Variants in LDLRAD3 observed in about 807,000 individuals in gnomAD.
LDLRAD3 encodes the protein low density lipoprotein receptor class A domain containing 3, also known as low-density lipoprotein receptor class A domain-containing protein 3.
Under a neutral mutation model 29.4 loss-of-function variants are expected in LDLRAD3, and 20 were observed. The observed-to-expected ratio is 0.68, with a 90% CI of 0.48 to 0.99. The LOEUF is 0.99. Ranked by LOEUF, LDLRAD3 falls within the 50% of genes least tolerant of loss-of-function variation. LDLRAD3 has a pLI of 0.00. For missense variants in LDLRAD3, 420 were observed against 454.3 expected (o/e 0.92, Z 0.69); for synonymous variants, 157 against 192.7 (o/e 0.81, Z 1.53).
In LDLRAD3 at chr11:35,970,582, C is replaced by G. The variant is rs140364525; in HGVS notation, c.46+26438C>G. ...GTTCGTGGCAATTAATTACAGCAGC[C>G]CTTGGAATTAGTATAGTTAGAACTA... is the stretch of plus-strand genomic sequence containing the variant. On this transcript the variant is annotated intron_variant, in intron 1 of 5. Coordinates refer to ENST00000315571, the MANE Select transcript of LDLRAD3 (RefSeq NM_174902.4). 7.0e-4 allele frequency among the ~76,000 whole-genome samples: 107 copies of G among 152,314 alleles called. 1 individual carries two copies. The highest frequency in any genetic ancestry group is 2.5e-3 in the African/African-American group (102 of 41,578).
chr11:35,974,068 T>G (rs747159054), intron 1 of LDLRAD3, among the ~76,000 whole-genome samples: 1 of 152,358 alleles, frequency 6.6e-6, no homozygotes, highest in South Asian at 2.1e-4. Flanking sequence ...TAGGAACTAC[T>G]TACATATTAC....
At chr11:36,141,425 G>T (rs1040624477) in intron 4 of LDLRAD3, among the ~76,000 whole-genome samples, 1 of 152,180 alleles carries the variant, frequency 6.6e-6, no homozygotes, top group Non-Finnish European at 1.5e-5. Flanking sequence ...TGGAAGGCTG[G>T]GGAGGATGTG....
intron 1 of LDLRAD3, among the ~76,000 whole-genome samples, chr11:35,977,345 G>A (rs1161786257): frequency 1.3e-5 from 2 of 152,116 alleles, no homozygotes; most frequent in African/African-American, 2.4e-5. Context: ...TGGCCAAAAC[G>A]CAGCCACATT....
intron 1 of LDLRAD3, among the ~76,000 whole-genome samples, chr11:36,000,782 C>T (rs73448459): frequency 0.092 from 13,995 of 151,810 alleles, 2,173 homozygotes; most frequent in African/African-American, 0.32. Context: ...GACCCATCCT[C>T]GGTGTGGGAA....
intron 4 of LDLRAD3, among the ~76,000 whole-genome samples, chr11:36,125,364 C>G (rs79977676): frequency 3.3e-5 from 5 of 152,106 alleles, no homozygotes; most frequent in Admixed American, 2.0e-4. Context: ...TTTCTGTCCT[C>G]GTTTTCTCTG....
At chr11:36,045,824 T>A (rs1852442164) in intron 2 of LDLRAD3, among the ~76,000 whole-genome samples, 1 of 152,132 alleles carries the variant, frequency 6.6e-6, no homozygotes, top group South Asian at 2.1e-4. Flanking sequence ...TATTTTAAGT[T>A]CTGGGATACA....
At chr11:35,971,683 G>A (rs1851413895) in intron 1 of LDLRAD3, among the ~76,000 whole-genome samples, 1 of 152,156 alleles carries the variant, frequency 6.6e-6, no homozygotes, top group Admixed American at 6.5e-5. Flanking sequence ...TTTTGTGATG[G>A]CAGTCCCAGG....
intron 4 of LDLRAD3, among the ~76,000 whole-genome samples, chr11:36,190,927 A>C (rs1401650740): frequency 6.6e-6 from 1 of 152,264 alleles, no homozygotes; most frequent in Non-Finnish European, 1.5e-5. Context: ...ATGAGAAGAC[A>C]GTTCTGAAAC....
chr11:36,184,998 T>C (rs939967797), intron 4 of LDLRAD3, among the ~76,000 whole-genome samples: 1 of 152,236 alleles, frequency 6.6e-6, no homozygotes, highest in African/African-American at 2.4e-5. Context: ...TTCCTTTTTT[T>C]TACTTTTTTG....
chr11:36,201,844 A>C (rs1298079662), intron 4 of LDLRAD3, among the ~76,000 whole-genome samples: 1 of 151,822 alleles, frequency 6.6e-6, no homozygotes, highest in Non-Finnish European at 1.5e-5. Flanking sequence ...GTTTTTCTCA[A>C]CTCTTCCTTT....
intron 4 of LDLRAD3, among the ~76,000 whole-genome samples, chr11:36,189,535 C>T (rs939513870): frequency 1.3e-5 from 2 of 151,808 alleles, no homozygotes; most frequent in African/African-American, 4.8e-5. Context: ...TCACCCCCTG[C>T]ACCCCCATCT....
chr11:36,109,427 G>T (rs1381297372), intron 4 of LDLRAD3, among the ~76,000 whole-genome samples: 2 of 152,174 alleles, frequency 1.3e-5, no homozygotes, highest in African/African-American at 2.4e-5. Context: ...GAATCGCCAA[G>T]ATTTGATGAC....
chr11:36,032,336 C>T (rs1294498719), intron 1 of LDLRAD3, among the ~76,000 whole-genome samples: 5 of 152,014 alleles, frequency 3.3e-5, no homozygotes, highest in Non-Finnish European at 7.3e-5. Context: ...GGAGATGGTT[C>T]GAAATGAATA....
In LDLRAD3 at chr11:36,101,744, C is replaced by T. The variant is rs117962347; in HGVS notation, c.454+3283C>T. ...CCGACTAACTCATTTTGGTGCTTGA[C>T]CAAAGGAACCCCAGCACATCAGTGC... On this transcript the variant is annotated intron_variant, in intron 4 of 5. Coordinates refer to ENST00000315571, the MANE Select transcript of LDLRAD3 (RefSeq NM_174902.4). 7.9e-3 allele frequency among the ~76,000 whole-genome samples: 1,198 copies of T among 152,252 alleles called. 10 individuals are homozygous for T. Among genetic ancestry groups the T allele is most frequent in the Non-Finnish European group, 0.013 (897 of 68,012 alleles).
intron 4 of LDLRAD3, among the ~76,000 whole-genome samples, chr11:36,103,437 C>T (rs1020728925): frequency 2.6e-5 from 4 of 152,032 alleles, no homozygotes; most frequent in Non-Finnish European, 5.9e-5. Context: ...GACGGGGTTT[C>T]ACCGTGTTAG....
intron 1 of LDLRAD3, among the ~76,000 whole-genome samples, chr11:35,984,656 A>G (rs1851585387): frequency 6.6e-6 from 1 of 152,040 alleles, no homozygotes; most frequent in South Asian, 2.1e-4. Context: ...TGTGAGATGG[A>G]GTTTCGCTCT....
intron 4 of LDLRAD3, among the ~76,000 whole-genome samples, chr11:36,121,106 A>G (rs369785404): frequency 1.3e-5 from 2 of 152,210 alleles, no homozygotes; most frequent in Non-Finnish European, 1.5e-5. Flanking sequence ...CCCGGTATCC[A>G]GGGCATCATA....
At chr11:36,005,492 G>A (rs1851873275) in intron 1 of LDLRAD3, among the ~76,000 whole-genome samples, 2 of 152,146 alleles carry the variant, frequency 1.3e-5, no homozygotes, top group East Asian at 1.9e-4. Context: ...TCCATGTCAC[G>A]ATCAGCATTT....
intron 4 of LDLRAD3, among the ~76,000 whole-genome samples, chr11:36,188,167 C>T (rs548378088): frequency 6.6e-6 from 1 of 152,054 alleles, no homozygotes; most frequent in South Asian, 2.1e-4. Flanking sequence ...ACAGGGCACG[C>T]AGAATTCCAT....
Sources: allele counts gnomAD v4.1 joint callset (sites outside exome capture counted in the v4.1 genomes callset), GRCh38; gene constraint gnomAD v4.1.1; transcripts MANE v1.5; gene names NCBI Gene and HGNC (gene_info 2026-07-23, HGNC 2026-07-21).